PIP5K1B: variants seen among roughly 807,000 people sequenced by gnomAD.
PIP5K1B encodes phosphatidylinositol-4-phosphate 5-kinase type 1 beta, also known as phosphatidylinositol 4-phosphate 5-kinase type-1 beta.
A neutral mutation model predicts 67.0 loss-of-function variants in PIP5K1B; 42 were observed. That is an observed-to-expected ratio of 0.63 (90% CI 0.49 to 0.81). The LOEUF (loss-of-function observed/expected upper bound fraction) is 0.81, where lower values mean the gene tolerates loss of function less well. Among genes scored for constraint, PIP5K1B ranks in the 30% least tolerant of loss-of-function variants. The pLI is 0.00. For missense variants in PIP5K1B, 459 were observed against 646.3 expected (o/e 0.71, Z 3.14); for synonymous variants, 214 against 231.4 (o/e 0.92, Z 0.68).
At chr9:68,931,424 C>T (rs1244744938) in intron 12 of PIP5K1B, among the ~76,000 whole-genome samples, 1 of 152,116 alleles carries the variant, frequency 6.6e-6, no homozygotes, top group Admixed American at 6.6e-5. Flanking sequence ...ATTAGTTCCT[C>T]CCTCAATAAT....
chr9:68,716,614 C>T (rs1302851342), intron 1 of PIP5K1B, among the ~76,000 whole-genome samples: 1 of 152,070 alleles, frequency 6.6e-6, no homozygotes. Flanking sequence ...GAAAAGGGAG[C>T]GCTTATGCAC....
chr9:68,712,722 CT>C (rs1827450048), intron 1 of PIP5K1B, among the ~76,000 whole-genome samples: 1 of 152,188 alleles, frequency 6.6e-6, no homozygotes, highest in Admixed American at 6.5e-5. Context: ...GAGAAAACCA[CT>C]TGTTTAGATG....
At chr9:68,764,989 A>T (rs928678306) in intron 2 of PIP5K1B, among the ~76,000 whole-genome samples, 1 of 152,146 alleles carries the variant, frequency 6.6e-6, no homozygotes, top group Non-Finnish European at 1.5e-5. Flanking sequence ...CTTTTAGAAC[A>T]TGCATTCTGA....
At chr9:68,938,050 G>A (rs980434028) in intron 13 of PIP5K1B, among the ~76,000 whole-genome samples, 2 of 152,208 alleles carry the variant, frequency 1.3e-5, no homozygotes, top group African/African-American at 4.8e-5. Flanking sequence ...AGTGCAATGA[G>A]GTGCTGAGAA....
intron 11 of PIP5K1B, among the ~76,000 whole-genome samples, chr9:68,923,030 T>C (rs1474877580): frequency 6.6e-6 from 1 of 152,164 alleles, no homozygotes; most frequent in Non-Finnish European, 1.5e-5. Context: ...GGCAGCTGTT[T>C]TGATTTATGT....
intron 2 of PIP5K1B, among the ~76,000 whole-genome samples, chr9:68,763,629 A>G (rs542431245): frequency 2.6e-5 from 4 of 152,284 alleles, no homozygotes; most frequent in African/African-American, 7.2e-5. Context: ...TCACAGCTCT[A>G]TAGATTTATA....
chr9:68,951,746 A>T (rs1321382173), intron 14 of PIP5K1B, among the ~76,000 whole-genome samples: 1 of 152,196 alleles, frequency 6.6e-6, no homozygotes, highest in Non-Finnish European at 1.5e-5. Flanking sequence ...TTTGTAACAA[A>T]ACTCTATGCC....
At chr9:68,874,523 G>A (rs1202794880) in intron 5 of PIP5K1B, among the ~76,000 whole-genome samples, 4 of 152,076 alleles carry the variant, frequency 2.6e-5, no homozygotes, top group Non-Finnish European at 4.4e-5. Context: ...AGAGAGATGT[G>A]AACCCAAGGA....
At chr9:68,873,829 C>T (rs185219707) in intron 5 of PIP5K1B, among the ~76,000 whole-genome samples, 1 of 152,210 alleles carries the variant, frequency 6.6e-6, no homozygotes, top group East Asian at 1.9e-4. Flanking sequence ...TAATTTGAAC[C>T]CAGGTCTCCC....
At chr9:68,917,836 T>C (rs1038500300) in intron 9 of PIP5K1B, 77 bp downstream of exon 9, 23 of 1,072,124 alleles carry the variant, frequency 2.1e-5, no homozygotes, top group Non-Finnish European at 3.3e-5. Context: ...ACAGTCACAT[T>C]CACCTTAGGG....
chr9:68,812,440 AG>A (rs1189951504), intron 2 of PIP5K1B, among the ~76,000 whole-genome samples: 1 of 152,254 alleles, frequency 6.6e-6, no homozygotes, highest in African/African-American at 2.4e-5. Context: ...GTCAAAAAAA[AG>A]TCATTGTCTG....
At chr9:68,748,949 A>G (rs1286169545) in intron 2 of PIP5K1B, among the ~76,000 whole-genome samples, 1 of 152,112 alleles carries the variant, frequency 6.6e-6, no homozygotes, top group Non-Finnish European at 1.5e-5. Context: ...GTAGGTGACA[A>G]TGTATAAAGA....
intron 2 of PIP5K1B, among the ~76,000 whole-genome samples, chr9:68,746,328 C>T (rs897842628): frequency 1.3e-5 from 2 of 152,136 alleles, no homozygotes; most frequent in African/African-American, 4.8e-5. Flanking sequence ...GTCCACCCAC[C>T]TCAGCCTCCC....
At chr9:68,866,737 G>A (rs1823377136) in intron 5 of PIP5K1B, among the ~76,000 whole-genome samples, 1 of 152,188 alleles carries the variant, frequency 6.6e-6, no homozygotes, top group South Asian at 2.1e-4. Flanking sequence ...GAAGAGGAAG[G>A]TGGGGGCTGG....
At chr9:68,990,845 G>T (rs1378892579) in intron 14 of PIP5K1B, among the ~76,000 whole-genome samples, 1 of 151,774 alleles carries the variant, frequency 6.6e-6, no homozygotes, top group Non-Finnish European at 1.5e-5. Flanking sequence ...TGTATTTTTA[G>T]TAGAGACGGG....
At chr9:68,893,230 G>A (rs971607093) in intron 7 of PIP5K1B, among the ~76,000 whole-genome samples, 1 of 151,994 alleles carries the variant, frequency 6.6e-6, no homozygotes, top group Non-Finnish European at 1.5e-5. Flanking sequence ...ATCAAGGATA[G>A]CAGAGACACT....
intron 14 of PIP5K1B, 25 bp from the exon 15 acceptor site, chr9:68,991,115 C>G: frequency 7.6e-7 from 1 of 1,319,494 alleles, no homozygotes. Flanking sequence ...GGCCTCATGC[C>G]CATCATTCAT....
At chr9:68,928,535 T>G (rs1246905006) in intron 12 of PIP5K1B, among the ~76,000 whole-genome samples, 3 of 152,230 alleles carry the variant, frequency 2.0e-5, no homozygotes, top group Non-Finnish European at 4.4e-5. Context: ...TTTCTTTTCT[T>G]TAATCTATGT....
At chr9:68,739,246 C>G (rs1383297140) in intron 1 of PIP5K1B, among the ~76,000 whole-genome samples, 2 of 152,180 alleles carry the variant, frequency 1.3e-5, no homozygotes, top group African/African-American at 4.8e-5. Context: ...TTTACTCTTG[C>G]ATAGTCTGAT....
Sources: gnomAD v4.1 joint callset for allele counts (sites outside exome capture counted in the v4.1 genomes callset) on GRCh38, gnomAD v4.1.1 for gene constraint, MANE v1.5 for transcripts, NCBI Gene and HGNC (gene_info 2026-07-23, HGNC 2026-07-21) for gene names.